Variants in VASP observed in about 807,000 individuals in gnomAD.
VASP encodes vasodilator-stimulated phosphoprotein.
VASP carries 27 observed loss-of-function variants against 54.4 expected under a neutral mutation model. The observed-to-expected ratio is 0.50, with a 90% CI of 0.37 to 0.68. The LOEUF is 0.68. Ranked by LOEUF, VASP falls within the 30% of genes least tolerant of loss-of-function variation. The pLI, the probability that VASP is intolerant of heterozygous loss-of-function variation, is 0.00. For synonymous variants in VASP, 233 were observed against 209.8 expected, an observed-to-expected ratio of 1.11 and a Z score of -0.96; for missense variants, 488 against 528.3, an observed-to-expected ratio of 0.92 and a Z score of 0.75.
In VASP at chr19:45,524,113, CTG is replaced by C; in HGVS notation, c.928_929del (p.Trp310GlyfsTer30). The C allele has an allele frequency of 6.2e-7, 1 of 1,613,870 alleles. No homozygotes were observed. Among genetic ancestry groups the C allele is most frequent in the East Asian group, 2.2e-5 (1 of 44,856 alleles). On this transcript the variant is annotated frameshift_variant, in exon 10 of 13. Transcript: ENST00000245932. LOFTEE classifies it high-confidence loss of function. ...PAQSESVRRP[W>X]EKNSTTLPRM... ...TATCCCCAGAATCTGTGCGGAGACC[CTG>C]GGAGAAGAACAGCACAACCTTGCCA...
intron 3 of VASP, among the ~76,000 whole-genome samples, chr19:45,521,106 A>G (rs1968821136): frequency 6.6e-6 from 1 of 152,236 alleles, no homozygotes; most frequent in Non-Finnish European, 1.5e-5. Flanking sequence ...GGGACATCAC[A>G]ACAGCACCTA....
intron 1 of VASP, among the ~76,000 whole-genome samples, chr19:45,510,332 T>G (rs1021935836): frequency 5.3e-5 from 8 of 152,082 alleles, no homozygotes; most frequent in Non-Finnish European, 8.8e-5. Flanking sequence ...GTTCAAGCGA[T>G]TCTCCTCCTC....
In VASP at chr19:45,525,851, AG is replaced by A; in HGVS notation, c.1048-94del. 4 of 1,276,522 alleles carry A rather than the reference AG, an allele frequency of 3.1e-6. 1 individual carries two copies. In the South Asian group the frequency reaches 5.5e-5, roughly 18 times the overall value. 79.1% of individuals were successfully genotyped at this position (1,276,522 alleles called of 1,614,324 possible). On this transcript the variant is annotated intron_variant, in intron 11 of 12. Coordinates refer to ENST00000245932, the MANE Select transcript of VASP (RefSeq NM_003370.4). ...GCCATTGCACCCTAGCCTGGGCAAC[AG>A]AGCAAGGTTCCTTCTCAAAAAATAA...
At chr19:45,525,042 C>T (rs188495448) in intron 11 of VASP, 10 of 207,608 alleles carry the variant, frequency 4.8e-5, no homozygotes, top group Admixed American at 4.6e-4. Flanking sequence ...AGTCACTCTG[C>T]GACCTTGACA....
At chr19:45,518,755 C>G (rs1968762599) in intron 3 of VASP, among the ~76,000 whole-genome samples, 1 of 152,180 alleles carries the variant, frequency 6.6e-6, no homozygotes, top group South Asian at 2.1e-4. Flanking sequence ...GCCTTCACCT[C>G]CTGGGCTCAA....
Position 45,521,392 on chromosome 19 carries a change from G to A in VASP, c.414G>A (p.Val138=). 6 of 1,569,634 alleles carry A rather than the reference G, an allele frequency of 3.8e-6. No individual in the cohort carries two copies. Among genetic ancestry groups the A allele is most frequent in the East Asian group, 2.3e-5 (1 of 43,122 alleles). Residue 138 remains valine, a synonymous_variant, in exon 4 of 13, where the codon GTG becomes GTA. Transcript: ENST00000245932. ...SVPNGPSPEE[V]EQQKRQQPGP... ...CGAACGGCCCCTCCCCGGAGGAGGT[G>A]GAGCAGCAGAAAAGGTGGGGCTGGG... is the stretch of plus-strand genomic sequence containing the variant.
In VASP at chr19:45,523,690, G is replaced by C; in HGVS notation, c.868G>C (p.Ala290Pro). 1 of 1,614,144 alleles carries C rather than the reference G, an allele frequency of 6.2e-7. No homozygotes were observed. The highest frequency in any genetic ancestry group is 8.5e-7 in the Non-Finnish European group (1 of 1,180,032). ...VGEKTPKDES[A>P]NQEEPEARVP... ...GGAGAAAACCCCCAAGGATGAATCTGCCAATGTAAGTCAGGGACTCTTCTT... is the reference window on the plus strand; with the variant it reads ...GGAGAAAACCCCCAAGGATGAATCTCCCAATGTAAGTCAGGGACTCTTCTT... Residue 290 changes from alanine to proline, a missense_variant, in exon 8 of 13, where the codon GCC becomes CCC. Physicochemically the swap from Ala to Pro is conservative, Grantham distance 27. This residue lies in a region of VASP where 126 missense variants were observed against 134.8 expected (regional missense o/e 0.94). Transcript: ENST00000245932.
In VASP at chr19:45,521,314, C is replaced by T; in HGVS notation, c.344-8C>T. ...CTGATCCATGGCCCTTTCTCTCTCA[C>T]CTTTCAGGAGGTGGGCCCCCTCCAC... is the stretch of plus-strand genomic sequence containing the variant. On this transcript the variant is annotated splice_polypyrimidine_tract_variant and splice_region_variant and intron_variant, in intron 3 of 12. Transcript: ENST00000245932. The T allele has an allele frequency of 6.4e-7, 1 of 1,569,742 alleles. No homozygotes were observed.
intron 10 of VASP, 86 bp from the exon 11 acceptor site, chr19:45,524,484 C>A: frequency 2.2e-6 from 3 of 1,355,008 alleles, no homozygotes; most frequent in African/African-American, 1.4e-5. Context: ...TAAGGCAGAG[C>A]TCAATGTGAC....
intron 1 of VASP, among the ~76,000 whole-genome samples, chr19:45,516,600 C>CTGGCAT: frequency 6.6e-6 from 1 of 152,242 alleles, no homozygotes; most frequent in East Asian, 1.9e-4. Context: ...CATCCCCCCA[C>CTGGCAT]TGGCATTGGC....
In VASP at chr19:45,524,638, C is replaced by G; in HGVS notation, c.1025C>G (p.Ser342Trp). 6.2e-7 allele frequency: 1 copy of G among 1,613,808 alleles called. No homozygotes were observed. The highest frequency in any genetic ancestry group is 8.5e-7 in the Non-Finnish European group (1 of 1,179,914). Residue 342 changes from serine (S) to tryptophan (W), a missense_variant, in exon 11 of 13, where the codon TCG (serine) becomes TGG (tryptophan). By Grantham distance (177) the Ser-to-Trp change is radical. This residue lies in a region of VASP where 126 missense variants were observed against 134.8 expected (regional missense o/e 0.94). Coordinates refer to ENST00000245932, the MANE Select transcript of VASP (RefSeq NM_003370.4). ...TGCACGCCCAGCTCCAGTGATTACTCGGACCTACAGAGGGTGAAACAGGTA... is the reference window on the plus strand; with the variant it reads ...TGCACGCCCAGCTCCAGTGATTACTGGGACCTACAGAGGGTGAAACAGGTA... ...QPCTPSSSDY[S>W]DLQRVKQELL...
rs985521474 is a variant in VASP at position 45,508,925 on chromosome 19, ATTC to A, written c.5+1153_5+1155del. Among the ~76,000 whole-genome samples the A allele has an allele frequency of 2.3e-4, 35 of 152,090 alleles. 1 individual carries two copies. The highest frequency in any genetic ancestry group is 1.0e-3 in the Admixed American group (16 of 15,284). On this transcript the variant is annotated intron_variant, in intron 1 of 12. Transcript: ENST00000245932. ...GCAGGGGGGCCCAACCATCCCCCCT[ATTC>A]TTCCCTCCCCTGGCCCCCCATAATC...
intron 1 of VASP, among the ~76,000 whole-genome samples, chr19:45,513,906 C>CTATTGAGTAGTAGGGA (rs1968650719): frequency 6.6e-6 from 1 of 152,146 alleles, no homozygotes; most frequent in African/African-American, 2.4e-5. Context: ...CTATTGAGTC[C>CTATTGAGTAGTAGGGA]CTACTATGTG....
Position 45,518,035 on chromosome 19 carries a change from G to T in VASP, c.284G>T (p.Ser95Ile), listed in dbSNP as rs754712883. The T allele has an allele frequency of 6.2e-7, 1 of 1,613,972 alleles. No homozygotes were observed. Among genetic ancestry groups the T allele is most frequent in the South Asian group, 1.1e-5 (1 of 91,086 alleles). Residue 95 changes from serine to isoleucine, a missense_variant, in exon 3 of 13, where the codon AGC becomes ATC. Ser to Ile is a moderately radical substitution (Grantham distance 142). Transcript: ENST00000245932. ...CAGGTCTGGGGCCTCAACTTCGGCAGCAAGGAGGATGCGGCCCAGTTTGCC... is the reference window on the plus strand; with the variant it reads ...CAGGTCTGGGGCCTCAACTTCGGCATCAAGGAGGATGCGGCCCAGTTTGCC... Reference protein sequence around the residue: ...ARQVWGLNFGSKEDAAQFAAG... With the variant: ...ARQVWGLNFGIKEDAAQFAAG...
Position 45,507,850 on chromosome 19 carries a change from C to G in VASP, c.5+74C>G. 1.0e-6 allele frequency: 1 copy of G among 970,118 alleles called. No homozygotes were observed. The highest frequency in any genetic ancestry group is 1.4e-6 in the Non-Finnish European group (1 of 710,678). The allele number at this position is 970,118 out of a possible 1,614,324, so 60.1% of individuals were successfully genotyped here. On this transcript the variant is annotated intron_variant, in intron 1 of 12. Transcript: ENST00000245932. The surrounding 1 kb of genome is among the most constrained non-coding windows in gnomAD (Gnocchi z 4.4). ...GCCCCGCCTTTGTCCCCCTCCCCCC[C>G]AGCTAGCTCCGGGCTGGAATTTGGG...
At chr19:45,510,237 T>G (rs1187992134) in intron 1 of VASP, among the ~76,000 whole-genome samples, 1 of 152,188 alleles carries the variant, frequency 6.6e-6, no homozygotes, top group East Asian at 1.9e-4. Context: ...TTTGTTTGTT[T>G]GTTTTGAGAC....
At chr19:45,514,294 C>T (rs1310786930) in intron 1 of VASP, among the ~76,000 whole-genome samples, 1 of 152,118 alleles carries the variant, frequency 6.6e-6, no homozygotes, top group Non-Finnish European at 1.5e-5. Flanking sequence ...ACACAGATCA[C>T]GGAGGCCCTG....
chr19:45,512,660 C>T (rs1256521157), intron 1 of VASP, among the ~76,000 whole-genome samples: 1 of 151,794 alleles, frequency 6.6e-6, no homozygotes, highest in Admixed American at 6.6e-5. Context: ...GGTGCAGTGG[C>T]GTGATCTTGG....
At position 45,526,956 on chromosome 19, in the gene VASP, G is replaced by C. The variant is rs897592540; in HGVS notation, c.*779G>C. On this transcript the variant is annotated 3_prime_UTR_variant, in exon 13 of 13. Coordinates refer to ENST00000245932, the MANE Select transcript of VASP (RefSeq NM_003370.4). ...TTTAGCTTCTTGAAAATGGGCCCCT[G>C]CAGAATAAATCTGCCAGTTTTTATA... The C allele has an allele frequency of 1.3e-5, 2 of 152,078 alleles. No homozygotes were observed. The highest frequency in any genetic ancestry group is 1.3e-4 in the Admixed American group (2 of 15,266). The allele number at this position is 152,078 out of a possible 1,614,324, so 9.4% of individuals were successfully genotyped here.
Sources: allele counts gnomAD v4.1 joint callset (sites outside exome capture counted in the v4.1 genomes callset), GRCh38; gene constraint gnomAD v4.1.1; regional missense constraint gnomAD v4.1.1; non-coding constraint Gnocchi (gnomAD v3.1); transcripts MANE v1.5; gene names NCBI Gene and HGNC (gene_info 2026-07-23, HGNC 2026-07-21).